Variants in TTC28 observed in about 807,000 individuals in gnomAD.
The protein encoded by TTC28 is tetratricopeptide repeat protein 28.
A neutral mutation model predicts 198.0 loss-of-function variants in TTC28; 61 were observed. The ratio of observed to expected loss-of-function variants is 0.31; its 90% confidence interval spans 0.25 to 0.38. The LOEUF is 0.38. Ranked by LOEUF, TTC28 falls within the 10% of genes least tolerant of loss-of-function variation. The probability of loss-of-function intolerance (pLI) is 1.00; values close to 1 mark genes in which losing one functional copy is unlikely to be tolerated. For synonymous variants in TTC28, 1,171 were observed against 1,297.8 expected (o/e 0.90, Z 2.10); for missense variants, 2,678 against 3,164.0 (o/e 0.85, Z 3.69).
chr22:28,350,750 A>G (rs2045981213), intron 2 of TTC28, among the ~76,000 whole-genome samples: 3 of 152,214 alleles, frequency 2.0e-5, no homozygotes, highest in African/African-American at 2.4e-5. Flanking sequence ...AAGTAGAAAA[A>G]CAGAAAATAA....
At chr22:28,138,795 C>G (rs541703094) in intron 6 of TTC28, among the ~76,000 whole-genome samples, 1 of 152,146 alleles carries the variant, frequency 6.6e-6, no homozygotes, top group African/African-American at 2.4e-5. Flanking sequence ...CAAACATTAA[C>G]TCAATGTGTA....
intron 2 of TTC28, among the ~76,000 whole-genome samples, chr22:28,399,456 G>A (rs2046870089): frequency 6.6e-6 from 1 of 151,666 alleles, no homozygotes; most frequent in Admixed American, 6.6e-5. Context: ...AAGTAGATGG[G>A]ACTACAGGCA....
chr22:27,990,412 C>T (rs943412882), intron 20 of TTC28, among the ~76,000 whole-genome samples: 6 of 152,188 alleles, frequency 3.9e-5, no homozygotes, highest in Non-Finnish European at 8.8e-5. Flanking sequence ...CATCTTAGAG[C>T]CTCACAGCTC....
At chr22:28,527,979 G>T (rs563243898) in intron 2 of TTC28, among the ~76,000 whole-genome samples, 1 of 152,188 alleles carries the variant, frequency 6.6e-6, no homozygotes, top group Non-Finnish European at 1.5e-5. Context: ...GTAAGCTCAG[G>T]TCTCTTTTCC....
At chr22:28,068,421 T>C (rs1450703467) in intron 12 of TTC28, among the ~76,000 whole-genome samples, 2 of 152,230 alleles carry the variant, frequency 1.3e-5, no homozygotes, top group Non-Finnish European at 2.9e-5. Flanking sequence ...TGGTAGGTGT[T>C]AAAGCACCAC....
At chr22:28,584,227 C>G (rs1011774357) in intron 2 of TTC28, among the ~76,000 whole-genome samples, 3 of 152,084 alleles carry the variant, frequency 2.0e-5, no homozygotes, top group Admixed American at 6.6e-5. Context: ...CAACATAATT[C>G]CTTTTCTTCC....
intron 4 of TTC28, among the ~76,000 whole-genome samples, chr22:28,296,987 C>T (rs2145782240): frequency 6.6e-6 from 1 of 152,260 alleles, no homozygotes; most frequent in East Asian, 1.9e-4. Context: ...AATGATAACG[C>T]ATCCTAATGA....
chr22:28,575,292 A>G (rs1239369510), intron 2 of TTC28, among the ~76,000 whole-genome samples: 2 of 152,096 alleles, frequency 1.3e-5, no homozygotes, highest in Non-Finnish European at 2.9e-5. Flanking sequence ...TTTTTCCCCA[A>G]TGTATGTTCT....
chr22:27,995,084 G>A (rs1391554869), intron 17 of TTC28, among the ~76,000 whole-genome samples: 4 of 152,162 alleles, frequency 2.6e-5, no homozygotes, highest in African/African-American at 9.7e-5. Context: ...CCTCAGAAGT[G>A]CATGTAGAGC....
chr22:28,175,763 C>A (rs1041454447), intron 5 of TTC28, among the ~76,000 whole-genome samples: 1 of 151,798 alleles, frequency 6.6e-6, no homozygotes, highest in Non-Finnish European at 1.5e-5. Context: ...GGCAAAAGAC[C>A]TTAATACACA....
At chr22:28,208,706 T>C (rs942091143) in intron 5 of TTC28, among the ~76,000 whole-genome samples, 2 of 152,266 alleles carry the variant, frequency 1.3e-5, no homozygotes, top group African/African-American at 4.8e-5. Flanking sequence ...TTCCAAAATA[T>C]AGTATTTTAA....
intron 2 of TTC28, among the ~76,000 whole-genome samples, chr22:28,389,440 TG>T (rs1396856892): frequency 6.6e-6 from 1 of 151,090 alleles, no homozygotes; most frequent in African/African-American, 2.4e-5. Flanking sequence ...CTTGTACCTC[TG>T]GTAGAATTCG....
chr22:28,169,183 G>A (rs1380846497), intron 5 of TTC28, among the ~76,000 whole-genome samples: 2 of 152,212 alleles, frequency 1.3e-5, no homozygotes, highest in Non-Finnish European at 2.9e-5. Flanking sequence ...ACAGGTGCTG[G>A]AGAGGATGTG....
At chr22:28,127,003 A>G (rs571905517) in intron 6 of TTC28, among the ~76,000 whole-genome samples, 38 of 152,262 alleles carry the variant, frequency 2.5e-4, no homozygotes, top group Non-Finnish European at 4.1e-4. Context: ...AGTAGCTGGG[A>G]CTCCAGGCCA....
intron 5 of TTC28, among the ~76,000 whole-genome samples, chr22:28,277,559 AT>A: frequency 6.6e-6 from 1 of 152,274 alleles, no homozygotes; most frequent in Admixed American, 6.5e-5. Flanking sequence ...GGAAATTATC[AT>A]TTCTGTTGTT....
chr22:28,596,925 C>T (rs963887281), intron 2 of TTC28, among the ~76,000 whole-genome samples: 4 of 152,122 alleles, frequency 2.6e-5, no homozygotes, highest in Non-Finnish European at 5.9e-5. Context: ...GAAGCAAGAA[C>T]ACTTCTCACC....
chr22:27,980,621 C>T lies in TTC28; in HGVS notation c.*1600G>A, dbSNP rs1163033774. 1.3e-5 allele frequency: 2 copies of T among 152,276 alleles called. No individual in the cohort carries two copies. The highest frequency in any genetic ancestry group is 1.3e-4 in the Admixed American group (2 of 15,294). The allele number at this position is 152,276 out of a possible 1,614,324, so 9.4% of individuals were successfully genotyped here. A position where few individuals can be genotyped will look rare whatever the true frequency, so the allele number is the denominator to read the frequency against. Reference sequence around the variant, plus strand: ...CCCTGCCAGGCCCCTCAGGTCTGCTCCATGTGCTGCTGGTGGCCCAGGCCA... The same window carrying T: ...CCCTGCCAGGCCCCTCAGGTCTGCTTCATGTGCTGCTGGTGGCCCAGGCCA... On this transcript the variant is annotated 3_prime_UTR_variant, in exon 23 of 23. Coordinates refer to ENST00000397906, the MANE Select transcript of TTC28 (RefSeq NM_001145418.2).
intron 5 of TTC28, among the ~76,000 whole-genome samples, chr22:28,292,066 T>C (rs1433646151): frequency 6.6e-6 from 1 of 152,100 alleles, no homozygotes; most frequent in African/African-American, 2.4e-5. Context: ...ATAAAACTAA[T>C]AAATATTAAC....
At chr22:27,995,697 C>A (rs145883544) in intron 17 of TTC28, among the ~76,000 whole-genome samples, 22 of 152,286 alleles carry the variant, frequency 1.4e-4, no homozygotes, top group African/African-American at 4.3e-4. Context: ...ACTTTTATCA[C>A]CCCTTCCAGA....
Sources: gnomAD v4.1 joint callset for allele counts (sites outside exome capture counted in the v4.1 genomes callset) on GRCh38, gnomAD v4.1.1 for gene constraint, MANE v1.5 for transcripts, NCBI Gene and HGNC (gene_info 2026-07-23, HGNC 2026-07-21) for gene names.